FAM81A: variants seen among roughly 807,000 people sequenced by gnomAD.
FAM81A encodes the protein protein FAM81A.
FAM81A carries 19 observed loss-of-function variants against 46.7 expected under a neutral mutation model. The ratio of observed to expected loss-of-function variants is 0.41; its 90% CI spans 0.28 to 0.60. The LOEUF is 0.60. FAM81A is among the 20% of genes least tolerant of loss of function. The pLI is 0.34. For missense variants in FAM81A, 377 were observed against 453.5 expected (o/e 0.83, Z 1.53); for synonymous variants, 183 against 152.9 (o/e 1.20, Z -1.45).
chr15:59,428,591 A>G (rs1196224412), intron 2 of FAM81A, among the ~76,000 whole-genome samples: 1 of 140,620 alleles, frequency 7.1e-6, no homozygotes, highest in African/African-American at 2.7e-5. Flanking sequence ...CTTGAGGTGC[A>G]TCTTCTACTA....
chr15:59,520,783 C>T (rs1470945468), intron 8 of FAM81A, among the ~76,000 whole-genome samples: 2 of 152,076 alleles, frequency 1.3e-5, no homozygotes. Flanking sequence ...CAGGCTGGCT[C>T]GAACTCCTGA....
chr15:59,441,392 C>G (rs536893930), intron 1 of FAM81A, among the ~76,000 whole-genome samples: 1 of 152,324 alleles, frequency 6.6e-6, no homozygotes, highest in East Asian at 1.9e-4. Flanking sequence ...CTTAAGCACA[C>G]GAAGTGTGGC....
intron 2 of FAM81A, among the ~76,000 whole-genome samples, chr15:59,423,890 A>G (rs1299127977): frequency 1.3e-5 from 2 of 152,168 alleles, no homozygotes; most frequent in East Asian, 3.8e-4. Context: ...AAGGAAACCT[A>G]GGTTAACATT....
intron 2 of FAM81A, among the ~76,000 whole-genome samples, chr15:59,413,212 T>C (rs116944405): frequency 6.6e-6 from 1 of 152,162 alleles, no homozygotes; most frequent in East Asian, 1.9e-4. Flanking sequence ...TACTGGCTAA[T>C]TTGAATAATT....
intron 3 of FAM81A, among the ~76,000 whole-genome samples, chr15:59,489,311 A>G (rs948274030): frequency 3.4e-5 from 5 of 145,518 alleles, no homozygotes; most frequent in Admixed American, 2.7e-4. Context: ...ACATACATAC[A>G]TATATACATA....
intron 1 of FAM81A, among the ~76,000 whole-genome samples, chr15:59,448,541 G>GATAGATAGA (rs1555428230): frequency 0.028 from 4,290 of 151,886 alleles, 84 homozygotes; most frequent in African/African-American, 0.035. Context: ...AGATAGATAG[G>GATAGATAGA]TAGATAGATA....
intron 8 of FAM81A, among the ~76,000 whole-genome samples, chr15:59,519,258 G>A (rs1444923656): frequency 1.3e-5 from 2 of 151,236 alleles, no homozygotes; most frequent in African/African-American, 2.4e-5. Flanking sequence ...GTGCAGTCTC[G>A]GCTGACTGCG....
chr15:59,402,932 G>A (rs1431344138), intron 2 of FAM81A, among the ~76,000 whole-genome samples: 7 of 152,024 alleles, frequency 4.6e-5, no homozygotes, highest in African/African-American at 1.7e-4. Flanking sequence ...TCTTTGTTAG[G>A]TAAAATTTGA....
intron 3 of FAM81A, among the ~76,000 whole-genome samples, chr15:59,475,590 C>A (rs750384772): frequency 1.2e-4 from 19 of 152,182 alleles, no homozygotes; most frequent in Non-Finnish European, 2.6e-4. Flanking sequence ...TTTATATTTA[C>A]ATGTATTTTT....
intron 1 of FAM81A, chr15:59,443,961 C>G (rs1331703835): frequency 6.6e-6 from 1 of 152,606 alleles, no homozygotes; most frequent in African/African-American, 2.4e-5. Context: ...TCATGCTGCT[C>G]TGAATTCACA....
At chr15:59,491,216 G>A (rs1427091198) in intron 3 of FAM81A, among the ~76,000 whole-genome samples, 1 of 152,228 alleles carries the variant, frequency 6.6e-6, no homozygotes, top group Admixed American at 6.5e-5. Flanking sequence ...ATACACAATG[G>A]AGTGTATTCA....
intron 1 of FAM81A, among the ~76,000 whole-genome samples, chr15:59,449,793 A>C (rs1211295523): frequency 3.3e-5 from 5 of 150,422 alleles, no homozygotes; most frequent in East Asian, 1.9e-4. Context: ...AAAAAAAAAA[A>C]AAAAAAAAAA....
At chr15:59,473,313 C>T (rs1248742182) in intron 3 of FAM81A, among the ~76,000 whole-genome samples, 1 of 152,140 alleles carries the variant, frequency 6.6e-6, no homozygotes, top group Non-Finnish European at 1.5e-5. Context: ...AATCTTTCAC[C>T]ACCCGGCCTG....
chr15:59,417,551 C>CA (rs34839033), intron 2 of FAM81A, among the ~76,000 whole-genome samples: 30,413 of 139,390 alleles, frequency 0.22, 3,360 homozygotes, highest in South Asian at 0.3. Context: ...ACTAAAAATA[C>CA]AAAAAAAAAA....
chr15:59,453,910 G>A (rs1400595794), intron 1 of FAM81A, among the ~76,000 whole-genome samples: 1 of 152,174 alleles, frequency 6.6e-6, no homozygotes, highest in Non-Finnish European at 1.5e-5. Flanking sequence ...TCCCAGTCTA[G>A]TCACCAGGGC....
intron 1 of FAM81A, among the ~76,000 whole-genome samples, chr15:59,454,750 C>A (rs1023487903): frequency 6.6e-6 from 1 of 152,066 alleles, no homozygotes; most frequent in African/African-American, 2.4e-5. Flanking sequence ...CTTAGCCTCC[C>A]GGGTAGCTGG....
At chr15:59,495,556 A>G (rs551913830) in intron 4 of FAM81A, among the ~76,000 whole-genome samples, 4 of 152,348 alleles carry the variant, frequency 2.6e-5, no homozygotes, top group African/African-American at 9.6e-5. Flanking sequence ...GCTGAGTAAC[A>G]TGATAACTCT....
In FAM81A at chr15:59,516,731, T is replaced by C. The variant is rs2082271701; in HGVS notation, c.873T>C (p.Phe291=). 6.2e-7 allele frequency: 1 copy of C among 1,613,686 alleles called. No individual in the cohort carries two copies. The change falls in exon 8 of 9, where the codon TTT becomes TTC. Residue 291 remains phenylalanine (F), a synonymous_variant. Transcript: ENST00000288228. ...DKIEEGQKKT[F]DGQRTRQEEE... is the part of the protein sequence containing the mutation. Reference sequence around the variant, plus strand: ...TAGAAGAGGGTCAAAAGAAGACTTTTGATGGTCAGAGAACAAGGCAAGAAG... The same window carrying C: ...TAGAAGAGGGTCAAAAGAAGACTTTCGATGGTCAGAGAACAAGGCAAGAAG...
At chr15:59,496,586 C>T (rs530804271) in intron 4 of FAM81A, among the ~76,000 whole-genome samples, 23 of 152,040 alleles carry the variant, frequency 1.5e-4, no homozygotes, top group African/African-American at 5.5e-4. Flanking sequence ...GCCTGGGCAA[C>T]ATAGCAAGAC....
Sources: gnomAD v4.1 joint callset for allele counts (sites outside exome capture counted in the v4.1 genomes callset) on GRCh38, gnomAD v4.1.1 for gene constraint, MANE v1.5 for transcripts, NCBI Gene and HGNC (gene_info 2026-07-23, HGNC 2026-07-21) for gene names.